THSD4: variants seen among roughly 807,000 people sequenced by gnomAD.
The protein encoded by THSD4 is thrombospondin type-1 domain-containing protein 4.
In THSD4, 69 loss-of-function variants were observed where a neutral mutation model predicts 119.0. That is an observed-to-expected ratio of 0.58 (90% CI 0.48 to 0.71). THSD4 has a LOEUF of 0.71. THSD4 is among the 30% of genes least tolerant of loss of function. THSD4 has a pLI of 0.00. For missense variants in THSD4, 1,393 were observed against 1,391.1 expected (o/e 1.00, Z -0.02); for synonymous variants, 524 against 540.4 (o/e 0.97, Z 0.42).
At chr15:71,135,739 G>A (rs563627966) in intron 1 of THSD4, among the ~76,000 whole-genome samples, 2 of 152,072 alleles carry the variant, frequency 1.3e-5, no homozygotes, top group Non-Finnish European at 2.9e-5. Flanking sequence ...TTCTCAGATG[G>A]GGGTGGAGGG....
intron 7 of THSD4, among the ~76,000 whole-genome samples, chr15:71,591,232 G>T (rs1018095877): frequency 6.6e-6 from 1 of 152,138 alleles, no homozygotes; most frequent in Non-Finnish European, 1.5e-5. Context: ...GAGAAAGTCA[G>T]TGACTGAAGG....
At chr15:71,488,502 G>A (rs1039751934) in intron 7 of THSD4, among the ~76,000 whole-genome samples, 14 of 106,556 alleles carry the variant, frequency 1.3e-4, no homozygotes, top group Non-Finnish European at 2.3e-4. Context: ...TTCCTGTTCT[G>A]TAAAGTTTGG....
At chr15:71,718,206 CT>C (rs1567116774) in intron 8 of THSD4, among the ~76,000 whole-genome samples, 1 of 150,930 alleles carries the variant, frequency 6.6e-6, no homozygotes, top group Non-Finnish European at 1.5e-5. Context: ...AGAACAATTT[CT>C]TTTTTTAGAG....
chr15:71,305,988 C>T (rs559158043), intron 6 of THSD4, among the ~76,000 whole-genome samples: 34 of 152,112 alleles, frequency 2.2e-4, no homozygotes, highest in African/African-American at 6.7e-4. Context: ...TTCCCTCAAA[C>T]GATTGTAAAG....
At position 71,780,634 on chromosome 15, in the gene THSD4, G is replaced by T. The variant is rs1036157537; in HGVS notation, c.*3260G>T. The T allele has an allele frequency of 2.2e-6, 1 of 456,456 alleles. No homozygotes were observed. Among genetic ancestry groups the T allele is most frequent in the Non-Finnish European group, 4.4e-6 (1 of 226,922 alleles). The allele number at this position is 456,456 out of a possible 1,614,324, so 28.3% of individuals were successfully genotyped here. A position where few individuals can be genotyped will look rare whatever the true frequency, so the allele number is the denominator to read the frequency against. On this transcript the variant is annotated 3_prime_UTR_variant, in exon 18 of 18. Transcript: ENST00000261862. Reference sequence around the variant, plus strand: ...TGCCCGCTGCCTGCAAGCTGTTGGGGACCCCAGGGAGGGCAAGGCAGCCTG... The same window carrying T: ...TGCCCGCTGCCTGCAAGCTGTTGGGTACCCCAGGGAGGGCAAGGCAGCCTG...
intron 6 of THSD4, among the ~76,000 whole-genome samples, chr15:71,270,489 G>A (rs1046447453): frequency 6.6e-6 from 1 of 152,124 alleles, no homozygotes; most frequent in African/African-American, 2.4e-5. Flanking sequence ...TATAGGCACA[G>A]TTCAAAGTGT....
intron 3 of THSD4, among the ~76,000 whole-genome samples, chr15:71,182,561 G>A (rs1033952134): frequency 1.3e-5 from 2 of 151,640 alleles, no homozygotes; most frequent in Non-Finnish European, 2.9e-5. Context: ...ACCATAAAAA[G>A]GTGTTTTTTA....
intron 3 of THSD4, among the ~76,000 whole-genome samples, chr15:71,203,373 G>A (rs938420018): frequency 7.2e-5 from 11 of 152,112 alleles, no homozygotes; most frequent in African/African-American, 2.7e-4. Flanking sequence ...TAGCTTTGGC[G>A]GCCAGGCGTG....
intron 6 of THSD4, among the ~76,000 whole-genome samples, chr15:71,343,123 G>T (rs1316559811): frequency 1.3e-5 from 2 of 152,214 alleles, no homozygotes; most frequent in African/African-American, 4.8e-5. Context: ...AGTGGCTCAT[G>T]CCTGTAATCC....
At position 71,782,518 on chromosome 15, in the gene THSD4, C is replaced by G. The variant is rs562671010; in HGVS notation, c.*5144C>G. On this transcript the variant is annotated 3_prime_UTR_variant, in exon 18 of 18. Transcript: ENST00000261862. The stretch of plus-strand genomic sequence containing the variant: ...AATGAGTCACTACACCAAAATAGTT[C>G]TATTATTTAGAATGTGTTAATTTTA... 9.2e-5 allele frequency: 14 copies of G among 152,114 alleles called. No individual in the cohort carries two copies. Among genetic ancestry groups the G allele is most frequent in the South Asian group, 2.1e-4 (1 of 4,822 alleles). 9.4% of individuals were successfully genotyped at this position (152,114 alleles called of 1,614,324 possible).
intron 6 of THSD4, among the ~76,000 whole-genome samples, chr15:71,393,431 G>T (rs753069281): frequency 1.3e-5 from 2 of 152,010 alleles, no homozygotes; most frequent in African/African-American, 2.4e-5. Context: ...CTTCATGCAG[G>T]AATAAACTCA....
chr15:71,573,546 A>ATAG (rs1444369602), intron 7 of THSD4, among the ~76,000 whole-genome samples: 1 of 152,212 alleles, frequency 6.6e-6, no homozygotes, highest in African/African-American at 2.4e-5. Context: ...GTTCTATTCA[A>ATAG]TAGTTCCCTT....
intron 7 of THSD4, among the ~76,000 whole-genome samples, chr15:71,538,034 A>G (rs1351398677): frequency 6.6e-6 from 1 of 152,138 alleles, no homozygotes; most frequent in East Asian, 1.9e-4. Flanking sequence ...TGCTGGGATT[A>G]CAGACATGAG....
chr15:71,776,431 A>G (rs1490043774), intron 17 of THSD4, among the ~76,000 whole-genome samples: 1 of 152,252 alleles, frequency 6.6e-6, no homozygotes, highest in African/African-American at 2.4e-5. Context: ...AGCAATTCAC[A>G]GAAAAGGAAG....
At chr15:71,545,342 G>T (rs921593396) in intron 7 of THSD4, among the ~76,000 whole-genome samples, 1 of 152,154 alleles carries the variant, frequency 6.6e-6, no homozygotes, top group African/African-American at 2.4e-5. Context: ...TGATTGAGAA[G>T]TGTCTAGACC....
chr15:71,269,272 C>A (rs533295677), intron 6 of THSD4, among the ~76,000 whole-genome samples: 1 of 152,296 alleles, frequency 6.6e-6, no homozygotes, highest in African/African-American at 2.4e-5. Flanking sequence ...AACTTCATCC[C>A]TGGGATGCAA....
chr15:71,648,442 A>G (rs1281921939), intron 7 of THSD4, among the ~76,000 whole-genome samples: 2 of 152,216 alleles, frequency 1.3e-5, no homozygotes, highest in Admixed American at 1.3e-4. Flanking sequence ...AATGAAAATA[A>G]TCCCTTTCCA....
chr15:71,344,163 C>A (rs574418199), intron 6 of THSD4, among the ~76,000 whole-genome samples: 7 of 151,984 alleles, frequency 4.6e-5, no homozygotes, highest in Non-Finnish European at 1.0e-4. Flanking sequence ...CTCAGCCTCC[C>A]GAGTAGCTGG....
At chr15:71,330,562 A>G (rs1010529531) in intron 6 of THSD4, among the ~76,000 whole-genome samples, 2 of 152,178 alleles carry the variant, frequency 1.3e-5, no homozygotes, top group Admixed American at 1.3e-4. Flanking sequence ...AGTAATAACA[A>G]TAGTATCAGC....
Sources: gnomAD v4.1 joint callset for allele counts (sites outside exome capture counted in the v4.1 genomes callset) on GRCh38, gnomAD v4.1.1 for gene constraint, MANE v1.5 for transcripts, NCBI Gene and HGNC (gene_info 2026-07-23, HGNC 2026-07-21) for gene names.